TIAM1: variants seen among roughly 807,000 people sequenced by gnomAD.
TIAM1 encodes the protein TIAM Rac1 associated GEF 1.
In TIAM1, 65 loss-of-function variants were observed where a neutral mutation model predicts 163.5. That is an observed-to-expected ratio of 0.40 (90% CI 0.33 to 0.49). The LOEUF is 0.49. TIAM1 is among the 20% of genes least tolerant of loss of function. TIAM1 has a pLI of 0.77. For missense variants in TIAM1, 1,789 were observed against 2,044.7 expected, an observed-to-expected ratio of 0.87 and a Z score of 2.41; for synonymous variants, 833 against 810.1, an observed-to-expected ratio of 1.03 and a Z score of -0.48.
chr21:31,354,471 C>T (rs147425887), intron 2 of TIAM1, among the ~76,000 whole-genome samples: 1 of 152,082 alleles, frequency 6.6e-6, no homozygotes, highest in Non-Finnish European at 1.5e-5. Context: ...CCCCCCTCCA[C>T]ACCCCCACCA....
chr21:31,218,411 A>G (rs1260785843), intron 8 of TIAM1, among the ~76,000 whole-genome samples: 6 of 152,166 alleles, frequency 3.9e-5, no homozygotes, highest in Non-Finnish European at 5.9e-5. Flanking sequence ...TAACTAAAAA[A>G]TACAAAAATC....
intron 6 of TIAM1, among the ~76,000 whole-genome samples, chr21:31,242,733 G>A (rs2071248306): frequency 1.3e-5 from 2 of 151,806 alleles, no homozygotes; most frequent in Non-Finnish European, 1.5e-5. Flanking sequence ...AGTGGGTTGG[G>A]AGACCAAAAC....
At chr21:31,392,256 G>T (rs2076977374) in intron 2 of TIAM1, among the ~76,000 whole-genome samples, 1 of 152,112 alleles carries the variant, frequency 6.6e-6, no homozygotes, top group Non-Finnish European at 1.5e-5. Flanking sequence ...GGTTAACTTG[G>T]TATTGTCTGC....
At chr21:31,212,583 A>C (rs1213889651) in intron 10 of TIAM1, 1 of 150,866 alleles carries the variant, frequency 6.6e-6, no homozygotes. Flanking sequence ...ATCCAAGCAC[A>C]AGGCTGAACC....
At chr21:31,259,847 ACG>A (rs1474653160) in intron 4 of TIAM1, among the ~76,000 whole-genome samples, 1 of 151,996 alleles carries the variant, frequency 6.6e-6, no homozygotes, top group African/African-American at 2.4e-5. Flanking sequence ...TAGGTATGAG[ACG>A]CTAGTGTCTT....
At chr21:31,208,989 A>G (rs977903122) in intron 11 of TIAM1, among the ~76,000 whole-genome samples, 1 of 151,644 alleles carries the variant, frequency 6.6e-6, no homozygotes, top group Non-Finnish European at 1.5e-5. Context: ...AGACCAATTC[A>G]CTCCCCTAAG....
At chr21:31,446,788 G>A (rs931397571) in intron 2 of TIAM1, among the ~76,000 whole-genome samples, 3 of 152,152 alleles carry the variant, frequency 2.0e-5, no homozygotes, top group Middle Eastern at 3.2e-3. Flanking sequence ...TTATCGATGT[G>A]CTGCACATCT....
rs1000614585 is a variant in TIAM1, at chr21:31,473,399, T to C, written c.-421-9364A>G. ...GAGCCGTGATCGTGCCACTGCACTC[T>C]AGGCTGGGGGACAGATCAAGACTCC... On this transcript the variant is annotated intron_variant, in intron 1 of 28. Coordinates refer to the TIAM1 transcript ENST00000286827. Among the ~76,000 whole-genome samples the C allele has an allele frequency of 1.7e-3, 214 of 123,356 alleles. 1 individual carries two copies. Among genetic ancestry groups the C allele is most frequent in the African/African-American group, 6.3e-3 (208 of 32,874 alleles). The allele number at this position is 123,356 out of a possible 152,430, so 80.9% of individuals were successfully genotyped here.
chr21:31,461,468 A>T (rs2045324569), intron 2 of TIAM1, among the ~76,000 whole-genome samples: 1 of 152,148 alleles, frequency 6.6e-6, no homozygotes, highest in African/African-American at 2.4e-5. Context: ...TGGGCAACAG[A>T]GAGAGGCCCT....
At chr21:31,264,864 G>C (rs774369864) in intron 4 of TIAM1, among the ~76,000 whole-genome samples, 1 of 152,078 alleles carries the variant, frequency 6.6e-6, no homozygotes, top group African/African-American at 2.4e-5. Flanking sequence ...CAAGGCAAAC[G>C]GACCCAGTCT....
At chr21:31,163,226 T>C (rs2084017187) in intron 16 of TIAM1, among the ~76,000 whole-genome samples, 1 of 152,210 alleles carries the variant, frequency 6.6e-6, no homozygotes, top group East Asian at 1.9e-4. Context: ...AATTAATATT[T>C]TTAGTTCTTA....
At chr21:31,308,207 C>T (rs185864074) in intron 2 of TIAM1, among the ~76,000 whole-genome samples, 17 of 152,158 alleles carry the variant, frequency 1.1e-4, no homozygotes, top group African/African-American at 3.6e-4. Context: ...GCTAAGATCG[C>T]GCCACTGCAC....
intron 6 of TIAM1, among the ~76,000 whole-genome samples, chr21:31,243,192 C>CAAAAA (rs60242603): frequency 2.9e-4 from 29 of 100,952 alleles, no homozygotes; most frequent in African/African-American, 9.6e-4. Flanking sequence ...AACTTCATCT[C>CAAAAA]AAAAAAAAAA....
chr21:31,511,689 C>G (rs964928518), intron 1 of TIAM1, among the ~76,000 whole-genome samples: 1 of 152,136 alleles, frequency 6.6e-6, no homozygotes, highest in Admixed American at 6.5e-5. Flanking sequence ...AATCCTGGGT[C>G]GGGCCTCCCC....
chr21:31,384,485 G>A (rs1385430308), intron 2 of TIAM1, among the ~76,000 whole-genome samples: 1 of 152,072 alleles, frequency 6.6e-6, no homozygotes, highest in Non-Finnish European at 1.5e-5. Flanking sequence ...TGAGGTGGGA[G>A]GATTGTTTGA....
intron 1 of TIAM1, among the ~76,000 whole-genome samples, chr21:31,501,543 AACTGGTATTTCTC>A (rs2046848779): frequency 6.6e-6 from 1 of 152,120 alleles, no homozygotes; most frequent in South Asian, 2.1e-4. Flanking sequence ...CTCAAGACAA[AACTGGTATTTCTC>A]ACTGGAACCC....
chr21:31,138,435 A>C (rs2082708122), intron 22 of TIAM1, among the ~76,000 whole-genome samples: 1 of 152,254 alleles, frequency 6.6e-6, no homozygotes, highest in Non-Finnish European at 1.5e-5. Context: ...ACCAGCAGAT[A>C]CTGATAAATG....
intron 6 of TIAM1, among the ~76,000 whole-genome samples, chr21:31,242,519 G>T (rs2071237064): frequency 6.6e-6 from 1 of 152,094 alleles, no homozygotes; most frequent in Admixed American, 6.5e-5. Flanking sequence ...CAGAGATGAA[G>T]GCTAAGGCAG....
At chr21:31,147,244 T>G (rs933873171) in intron 19 of TIAM1, among the ~76,000 whole-genome samples, 3 of 152,198 alleles carry the variant, frequency 2.0e-5, no homozygotes, top group African/African-American at 7.2e-5. Context: ...AGGGTAGATG[T>G]CCCTGGTTTT....
Sources: gnomAD v4.1 joint callset for allele counts (sites outside exome capture counted in the v4.1 genomes callset) on GRCh38, gnomAD v4.1.1 for gene constraint, MANE v1.5 for transcripts, NCBI Gene and HGNC (gene_info 2026-07-23, HGNC 2026-07-21) for gene names.